The following WWOX variants were observed in gnomAD, a reference collection of about 807,000 sequenced individuals.
WWOX encodes WW domain-containing oxidoreductase.
Under a neutral mutation model 46.2 loss-of-function variants are expected in WWOX, and 69 were observed. The observed-to-expected ratio is 1.49, with a 90% CI of 1.23 to 1.82. The LOEUF (loss-of-function observed/expected upper bound fraction) is 1.82, where lower values mean the gene tolerates loss of function less well. Ranked by LOEUF, WWOX falls within the 40% of genes most tolerant of loss-of-function variation. WWOX has a pLI of 0.00. For missense variants in WWOX, 919 were observed against 542.6 expected, an observed-to-expected ratio of 1.69 and a Z score of -6.89; for synonymous variants, 359 against 202.6, an observed-to-expected ratio of 1.77 and a Z score of -6.56.
intron 5 of WWOX, among the ~76,000 whole-genome samples, chr16:78,367,206 C>A (rs12926724): frequency 0.43 from 65,161 of 151,782 alleles, 17,126 homozygotes; most frequent in Non-Finnish European, 0.59. Flanking sequence ...GTCTCAATCT[C>A]CTGACCTCGT....
At chr16:78,934,141 C>G (rs993722870) in intron 8 of WWOX, among the ~76,000 whole-genome samples, 1 of 151,766 alleles carries the variant, frequency 6.6e-6, no homozygotes, top group Admixed American at 6.6e-5. Context: ...GGAGACCATC[C>G]TGGCTAACGT....
chr16:78,227,436 A>G (rs2037101323), intron 5 of WWOX, among the ~76,000 whole-genome samples: 1 of 152,186 alleles, frequency 6.6e-6, no homozygotes, highest in South Asian at 2.1e-4. Context: ...CATCTCTGAA[A>G]ATATCTCTCA....
At chr16:79,006,483 T>A (rs2047193310) in intron 8 of WWOX, among the ~76,000 whole-genome samples, 1 of 151,982 alleles carries the variant, frequency 6.6e-6, no homozygotes, top group Admixed American at 6.6e-5. Flanking sequence ...CTTGAATGCT[T>A]TTAGCCCCTG....
At chr16:78,887,345 C>T (rs566465904) in intron 8 of WWOX, among the ~76,000 whole-genome samples, 11 of 151,932 alleles carry the variant, frequency 7.2e-5, no homozygotes, top group Admixed American at 2.0e-4. Flanking sequence ...TTTTCTTTCC[C>T]CTCTCTCCCA....
intron 8 of WWOX, among the ~76,000 whole-genome samples, chr16:78,932,162 C>T (rs538527186): frequency 2.0e-5 from 3 of 152,308 alleles, no homozygotes; most frequent in African/African-American, 4.8e-5. Flanking sequence ...ATTGCTGGTA[C>T]GTCTGAGGGG....
At chr16:79,110,374 A>T (rs1017650485) in intron 8 of WWOX, among the ~76,000 whole-genome samples, 3 of 152,018 alleles carry the variant, frequency 2.0e-5, no homozygotes, top group African/African-American at 7.2e-5. Flanking sequence ...AGGCCATCAA[A>T]TGTAGCTTGG....
intron 4 of WWOX, among the ~76,000 whole-genome samples, chr16:78,158,488 C>G (rs1372241987): frequency 6.6e-6 from 1 of 151,960 alleles, no homozygotes; most frequent in South Asian, 2.1e-4. Context: ...CCCTCCTCTC[C>G]TTTCCCCTTT....
rs190525510 is a variant in WWOX at position 79,011,740 on chromosome 16, G to C, written c.1057-199868G>C. 3.3e-3 allele frequency among the ~76,000 whole-genome samples: 498 copies of C among 152,110 alleles called. 5 individuals carry two copies. The highest frequency in any genetic ancestry group is 0.011 in the African/African-American group (472 of 41,500). On this transcript the variant is annotated intron_variant, in intron 8 of 8. Coordinates refer to ENST00000566780, the MANE Select transcript of WWOX (RefSeq NM_016373.4). ...ACTCCTGGGCTCAAGCTATTCACCT[G>C]CTTTGGCCTCCCAAAGTGCTGGGAT...
chr16:78,176,305 C>G (rs1281207846), intron 5 of WWOX, among the ~76,000 whole-genome samples: 1 of 152,160 alleles, frequency 6.6e-6, no homozygotes, highest in East Asian at 1.9e-4. Flanking sequence ...CTTTGTAACC[C>G]CTGTCCCTCT....
Position 79,019,589 on chromosome 16 carries a change from G to A in WWOX, c.1057-192019G>A, listed in dbSNP as rs192873772. 4.9e-3 allele frequency among the ~76,000 whole-genome samples: 751 copies of A among 152,148 alleles called. 3 individuals carry two copies. The highest frequency in any genetic ancestry group is 6.2e-3 in the Non-Finnish European group (424 of 68,000). On this transcript the variant is annotated intron_variant, in intron 8 of 8. Coordinates refer to ENST00000566780, the MANE Select transcript of WWOX (RefSeq NM_016373.4). ...TCTTTTAGGGGAAAAAACAAAAGCAGAAAGCAAGCAAGCTGGTATCCTGCG... is the reference window on the plus strand; with the variant it reads ...TCTTTTAGGGGAAAAAACAAAAGCAAAAAGCAAGCAAGCTGGTATCCTGCG...
rs2049724704 is a variant in WWOX at position 79,125,163 on chromosome 16, T to C, written c.1057-86445T>C. Among the ~76,000 whole-genome samples, 3 of 152,176 alleles carry C rather than the reference T, an allele frequency of 2.0e-5. No individual in the cohort carries two copies. The South Asian group carries it at 6.2e-4, about 32-fold the overall frequency. Reference sequence around the variant, plus strand: ...AAAGAAATCCTGGAATTCAGAATGATGAATATTCATTTTAACATCATCTTA... The same window carrying C: ...AAAGAAATCCTGGAATTCAGAATGACGAATATTCATTTTAACATCATCTTA... On this transcript the variant is annotated intron_variant, in intron 8 of 8. Transcript: ENST00000566780.
At chr16:78,210,309 G>A (rs573847797) in intron 5 of WWOX, among the ~76,000 whole-genome samples, 2 of 152,268 alleles carry the variant, frequency 1.3e-5, no homozygotes, top group South Asian at 4.2e-4. Flanking sequence ...GGAAGCATCG[G>A]CTTCAGGCAG....
chr16:78,358,622 C>T (rs1030332763), intron 5 of WWOX, among the ~76,000 whole-genome samples: 3 of 152,110 alleles, frequency 2.0e-5, no homozygotes, highest in South Asian at 2.1e-4. Context: ...AGTTCTACTG[C>T]ACTCCAGCCT....
chr16:79,108,732 C>T (rs1040498184), intron 8 of WWOX, among the ~76,000 whole-genome samples: 1 of 151,924 alleles, frequency 6.6e-6, no homozygotes, highest in African/African-American at 2.4e-5. Context: ...TGAGACCCCA[C>T]CTCTACAAAA....
intron 8 of WWOX, among the ~76,000 whole-genome samples, chr16:78,879,022 G>A (rs76086447): frequency 1.3e-5 from 2 of 151,378 alleles, no homozygotes; most frequent in East Asian, 1.9e-4. Context: ...AGCTATCATT[G>A]TGTCACTACA....
chr16:78,484,333 T>C (rs1007500386), intron 8 of WWOX, among the ~76,000 whole-genome samples: 2 of 150,810 alleles, frequency 1.3e-5, no homozygotes, highest in East Asian at 3.9e-4. Context: ...TGTTCACAGA[T>C]TTTTTTTTCC....
intron 8 of WWOX, among the ~76,000 whole-genome samples, chr16:79,094,491 G>A (rs927085901): frequency 1.3e-5 from 2 of 152,068 alleles, no homozygotes; most frequent in African/African-American, 2.4e-5. Context: ...ACCTCAGGCA[G>A]TCTGCCCACC....
chr16:78,493,184 G>T (rs2084828455), intron 8 of WWOX, among the ~76,000 whole-genome samples: 1 of 152,134 alleles, frequency 6.6e-6, no homozygotes, highest in Admixed American at 6.5e-5. Flanking sequence ...TTACTTAATG[G>T]AATAATACAT....
At chr16:78,323,479 C>T (rs1163354459) in intron 5 of WWOX, among the ~76,000 whole-genome samples, 3 of 151,226 alleles carry the variant, frequency 2.0e-5, no homozygotes, top group South Asian at 2.2e-4. Context: ...ATCAGGAGAC[C>T]CAGCAGTTTC....
Sources: allele counts gnomAD v4.1 joint callset (sites outside exome capture counted in the v4.1 genomes callset), GRCh38; gene constraint gnomAD v4.1.1; transcripts MANE v1.5; gene names NCBI Gene and HGNC (gene_info 2026-07-23, HGNC 2026-07-21).